The following NAA16 variants were observed in gnomAD, a reference collection of about 807,000 sequenced individuals.
The protein encoded by NAA16 is N-alpha-acetyltransferase 16, NatA auxiliary subunit.
A neutral mutation model predicts 110.3 loss-of-function variants in NAA16; 97 were observed. That is an observed-to-expected ratio of 0.88 (90% confidence interval 0.75 to 1.04). The LOEUF (loss-of-function observed/expected upper bound fraction) is 1.04. Ranked by LOEUF, NAA16 falls within the 50% of genes least tolerant of loss-of-function variation. The probability of loss-of-function intolerance (pLI) is 0.00; values close to 1 mark genes in which losing one functional copy is unlikely to be tolerated. For synonymous variants in NAA16, 372 were observed against 330.6 expected (o/e 1.13, Z -1.36); for missense variants, 1,017 against 1,005.1 (o/e 1.01, Z -0.16).
At chr13:41,362,362 T>C (rs904170340) in intron 13 of NAA16, 8 of 503,670 alleles carry the variant, frequency 1.6e-5, no homozygotes, top group Non-Finnish European at 2.4e-5. Context: ...TTGACATGTC[T>C]ATATATTTTT....
At chr13:41,355,016 C>T (rs1030948580) in intron 9 of NAA16, 128 bp from the exon 10 acceptor site, 1 of 560,374 alleles carries the variant, frequency 1.8e-6, no homozygotes, top group African/African-American at 1.9e-5. Context: ...AAGCAGATAC[C>T]CTAGTCTTTT....
chr13:41,356,172 CATA>C (rs2042977935), intron 10 of NAA16, among the ~76,000 whole-genome samples: 1 of 150,378 alleles, frequency 6.6e-6, no homozygotes, highest in Non-Finnish European at 1.5e-5. Context: ...TGTGTGTGTG[CATA>C]CGCGCGCACA....
At chr13:41,357,948 G>A (rs2043028573) in intron 10 of NAA16, among the ~76,000 whole-genome samples, 1 of 152,212 alleles carries the variant, frequency 6.6e-6, no homozygotes, top group Admixed American at 6.5e-5. Flanking sequence ...TGCAGTGGTA[G>A]TTAGGAAATC....
intron 5 of NAA16, among the ~76,000 whole-genome samples, chr13:41,324,300 C>T (rs537885777): frequency 6.7e-6 from 1 of 148,596 alleles, no homozygotes; most frequent in Admixed American, 6.7e-5. Context: ...AAAAAACTTT[C>T]CTTTGAACAC....
At chr13:41,312,497 C>T (rs535623945) in intron 1 of NAA16, among the ~76,000 whole-genome samples, 1 of 152,210 alleles carries the variant, frequency 6.6e-6, no homozygotes, top group South Asian at 2.1e-4. Context: ...TCTGGCTACC[C>T]TAGGTTTTAA....
chr13:41,371,758 A>G (rs948023415), intron 15 of NAA16, among the ~76,000 whole-genome samples: 9 of 152,288 alleles, frequency 5.9e-5, no homozygotes, highest in East Asian at 1.9e-4. Flanking sequence ...TAGATTTTCA[A>G]CTGCACTGGG....
At position 41,362,674 on chromosome 13, in the gene NAA16, G is replaced by A. The variant is rs1405685076; in HGVS notation, c.1539+515G>A. 4 of 1,280,558 alleles carry A rather than the reference G, an allele frequency of 3.1e-6. No individual in the cohort carries two copies. In the South Asian group the frequency reaches 5.0e-5, roughly 16 times the overall value. 79.3% of individuals were successfully genotyped at this position (1,280,558 alleles called of 1,614,324 possible). A position where few individuals can be genotyped will look rare whatever the true frequency, so the allele number is the denominator to read the frequency against. On this transcript the variant is annotated intron_variant, in intron 13 of 19. Coordinates refer to ENST00000379406, the MANE Select transcript of NAA16 (RefSeq NM_024561.5). ...TTTGTGTGATGTGCCTTAGTGAGGG[G>A]ACTTTTCTTTTCCTTTGTGTGAATT...
chr13:41,374,789 A>G lies in NAA16; in HGVS notation c.2347A>G (p.Ile783Val). 1.2e-6 allele frequency: 2 copies of G among 1,613,120 alleles called. No individual in the cohort carries two copies. The highest frequency in any genetic ancestry group is 8.5e-7 in the Non-Finnish European group (1 of 1,179,452). ...FLDKSRQEKA[I>V]AIATRLDETI... The stretch of plus-strand genomic sequence containing the variant: ...GGACAAGTCAAGGCAGGAGAAAGCA[A>G]TTGCTATAGCCACTAGACTAGATGA... Residue 783 changes from isoleucine (I) to valine (V), a missense_variant, in exon 19 of 20, where the codon ATT becomes GTT. By Grantham distance (29) the Ile-to-Val change is conservative (BLOSUM62 3). Transcript: ENST00000379406.
chr13:41,372,141 T>A, intron 15 of NAA16, 62 bp from the exon 16 acceptor site: 2 of 1,308,802 alleles, frequency 1.5e-6, no homozygotes, highest in Non-Finnish European at 1.0e-6. Flanking sequence ...ATATAAAATT[T>A]TAGGGGAAAT....
At chr13:41,313,195 C>A (rs1008072538) in intron 1 of NAA16, among the ~76,000 whole-genome samples, 2 of 151,750 alleles carry the variant, frequency 1.3e-5, no homozygotes, top group African/African-American at 4.8e-5. Context: ...GGGTTTATCC[C>A]CAAATAAATT....
chr13:41,375,191 C>G (rs1439833405), intron 19 of NAA16, among the ~76,000 whole-genome samples: 1 of 152,084 alleles, frequency 6.6e-6, no homozygotes, highest in African/African-American at 2.4e-5. Context: ...TTAAAATGTT[C>G]TCTTTTGCAG....
chr13:41,319,626 C>T (rs1049487531), intron 3 of NAA16, among the ~76,000 whole-genome samples: 3 of 152,066 alleles, frequency 2.0e-5, no homozygotes, highest in Admixed American at 6.6e-5. Context: ...AAGCGATTCT[C>T]CCACCTCAGC....
intron 13 of NAA16, 94 bp downstream of exon 13, chr13:41,362,253 C>G (rs928075693): frequency 6.7e-6 from 9 of 1,348,140 alleles, no homozygotes; most frequent in Non-Finnish European, 8.0e-6. Context: ...TCTAACTTCT[C>G]TGGGAGCTTC....
At chr13:41,314,907 G>A (rs771002808) in intron 1 of NAA16, among the ~76,000 whole-genome samples, 1 of 152,142 alleles carries the variant, frequency 6.6e-6, no homozygotes, top group Non-Finnish European at 1.5e-5. Flanking sequence ...AGGCTAAGGT[G>A]GGAAGATCAC....
intron 6 of NAA16, 142 bp from the exon 7 acceptor site, chr13:41,328,582 A>G (rs1041339010): frequency 9.2e-6 from 6 of 653,194 alleles, no homozygotes; most frequent in Non-Finnish European, 1.5e-5. Flanking sequence ...GCTTAGTTAC[A>G]TGAACTGCAA....
At chr13:41,347,037 T>C (rs1218242335) in intron 9 of NAA16, among the ~76,000 whole-genome samples, 2 of 151,778 alleles carry the variant, frequency 1.3e-5, no homozygotes, top group African/African-American at 4.8e-5. Context: ...GCCAACATGG[T>C]GAAACCCCAT....
intron 4 of NAA16, 59 bp from the exon 5 acceptor site, chr13:41,322,997 T>C (rs2041985110): frequency 6.8e-7 from 1 of 1,480,910 alleles, no homozygotes; most frequent in Admixed American, 1.7e-5. Flanking sequence ...GATTGTTTTC[T>C]TAAAACTGAT....
At chr13:41,311,614 C>G in intron 1 of NAA16, 32 bp downstream of exon 1, 2 of 1,590,964 alleles carry the variant, frequency 1.3e-6, no homozygotes, top group Non-Finnish European at 8.6e-7. Flanking sequence ...TGCCGCCCCC[C>G]GGTCCCCGGG....
At chr13:41,359,861 T>C (rs533934664) in intron 12 of NAA16, among the ~76,000 whole-genome samples, 23 of 152,190 alleles carry the variant, frequency 1.5e-4, no homozygotes, top group Admixed American at 5.9e-4. Flanking sequence ...CTTACACTTA[T>C]AGAAGAAAAT....
Sources: gnomAD v4.1 joint callset for allele counts (sites outside exome capture counted in the v4.1 genomes callset) on GRCh38, gnomAD v4.1.1 for gene constraint, MANE v1.5 for transcripts, NCBI Gene and HGNC (gene_info 2026-07-23, HGNC 2026-07-21) for gene names.